Variants in TSPAN9 observed in about 807,000 individuals in gnomAD.
TSPAN9 encodes the protein tetraspanin-9.
In TSPAN9, 16 loss-of-function variants were observed where a neutral mutation model predicts 31.0. The ratio of observed to expected loss-of-function variants is 0.52; its 90% CI spans 0.35 to 0.78. The LOEUF is 0.78. Ranked by LOEUF, TSPAN9 falls within the 30% of genes least tolerant of loss-of-function variation. TSPAN9 has a pLI of 0.01. For synonymous variants in TSPAN9, 145 were observed against 121.6 expected (o/e 1.19, Z -1.27); for missense variants, 272 against 312.5 (o/e 0.87, Z 0.98).
At chr12:3,261,514 A>G (rs760445688) in intron 3 of TSPAN9, among the ~76,000 whole-genome samples, 3 of 152,180 alleles carry the variant, frequency 2.0e-5, no homozygotes, top group African/African-American at 7.2e-5. Flanking sequence ...GGCTGGAAGA[A>G]TAGATGGAGA....
chr12:3,165,133 G>A (rs777860491), intron 2 of TSPAN9, among the ~76,000 whole-genome samples: 23 of 152,172 alleles, frequency 1.5e-4, no homozygotes, highest in Non-Finnish European at 2.9e-4. Context: ...GACAGGTGGT[G>A]GAGCTAGAGG....
intron 2 of TSPAN9, among the ~76,000 whole-genome samples, chr12:3,138,236 G>A (rs2098332982): frequency 6.6e-6 from 1 of 152,180 alleles, no homozygotes. Context: ...TGTTAGGAAT[G>A]AGGCATCTCC....
intron 2 of TSPAN9, among the ~76,000 whole-genome samples, chr12:3,165,021 C>T (rs2098347558): frequency 6.6e-6 from 1 of 152,174 alleles, no homozygotes; most frequent in Non-Finnish European, 1.5e-5. Context: ...GAAAGAGGCT[C>T]TCGTCTGGTG....
chr12:3,095,526 A>G (rs1167928147), intron 2 of TSPAN9, among the ~76,000 whole-genome samples: 2 of 99,440 alleles, frequency 2.0e-5, no homozygotes, highest in Non-Finnish European at 4.1e-5. Flanking sequence ...TCCCTCCCGG[A>G]CGGGGCGGCT....
chr12:3,153,401 A>G (rs2153968779), intron 2 of TSPAN9, among the ~76,000 whole-genome samples: 1 of 152,272 alleles, frequency 6.6e-6, no homozygotes, highest in East Asian at 1.9e-4. Flanking sequence ...TTGCTTGCAA[A>G]CATAATTTTT....
chr12:3,127,996 G>A (rs1244682025), intron 2 of TSPAN9, among the ~76,000 whole-genome samples: 4 of 152,184 alleles, frequency 2.6e-5, no homozygotes, highest in Non-Finnish European at 5.9e-5. Flanking sequence ...CACACGTCAA[G>A]ACTGTGTGTT....
At chr12:3,266,329 G>A (rs1862535452) in intron 3 of TSPAN9, among the ~76,000 whole-genome samples, 1 of 152,128 alleles carries the variant, frequency 6.6e-6, no homozygotes, top group Admixed American at 6.5e-5. Context: ...AAATGGGGAG[G>A]ACAAAGATGC....
At chr12:3,096,725 T>A (rs545154951) in intron 2 of TSPAN9, among the ~76,000 whole-genome samples, 1 of 151,642 alleles carries the variant, frequency 6.6e-6, no homozygotes, top group African/African-American at 2.4e-5. Context: ...TGAGACGGAA[T>A]CTCGCTCTGT....
rs530201788 is a variant in TSPAN9, at chr12:3,218,457, C to T, written c.63+17201C>T. Among the ~76,000 whole-genome samples the T allele has an allele frequency of 2.6e-5, 4 of 152,244 alleles. No homozygotes were observed. In the South Asian group the frequency reaches 8.3e-4, roughly 32 times the overall value. The stretch of plus-strand genomic sequence containing the variant: ...ACCTTTGGGGCCTGCAGTGGCCAGA[C>T]TAGCTAGGGATCTGGTTGGGGCTAT... On this transcript the variant is annotated intron_variant, in intron 3 of 8. Transcript: ENST00000011898.
At chr12:3,273,429 C>T (rs554209008) in intron 3 of TSPAN9, among the ~76,000 whole-genome samples, 1 of 152,322 alleles carries the variant, frequency 6.6e-6, no homozygotes, top group South Asian at 2.1e-4. Context: ...CCAGGAGTGG[C>T]TGGTGACCTT....
chr12:3,272,621 T>A (rs1862702466), intron 3 of TSPAN9, among the ~76,000 whole-genome samples: 1 of 151,940 alleles, frequency 6.6e-6, no homozygotes, highest in Non-Finnish European at 1.5e-5. Flanking sequence ...CCTAGGTGTG[T>A]CCTCTGCTGT....
At chr12:3,129,464 C>T (rs897907449) in intron 2 of TSPAN9, among the ~76,000 whole-genome samples, 1 of 152,174 alleles carries the variant, frequency 6.6e-6, no homozygotes, top group East Asian at 1.9e-4. Flanking sequence ...GAGTCTGTTT[C>T]AGGAAGTGGT....
rs1591725866 is a variant in TSPAN9, at chr12:3,283,555, T to G, written c.*439T>G. On this transcript the variant is annotated 3_prime_UTR_variant, in exon 9 of 9. Transcript: ENST00000011898. ...CATGGGGCACCTGGCGGGGCGGGGG[T>G]CTGCCGGCCTCTGGGCAAGGCCCCT... The G allele has an allele frequency of 6.2e-6, 1 of 160,238 alleles. No homozygotes were observed. 9.9% of individuals were successfully genotyped at this position (160,238 alleles called of 1,614,324 possible). A position where few individuals can be genotyped will look rare whatever the true frequency, so the allele number is the denominator to read the frequency against.
intron 3 of TSPAN9, among the ~76,000 whole-genome samples, chr12:3,258,233 G>T (rs567571951): frequency 3.9e-5 from 6 of 152,210 alleles, no homozygotes; most frequent in Non-Finnish European, 7.3e-5. Context: ...GGGCTGGTTC[G>T]TCTGCAGGTG....
At chr12:3,109,568 A>G (rs1269282177) in intron 2 of TSPAN9, among the ~76,000 whole-genome samples, 1 of 151,298 alleles carries the variant, frequency 6.6e-6, no homozygotes, top group Non-Finnish European at 1.5e-5. Flanking sequence ...GAGGCCGAGG[A>G]GGGTGGATCA....
chr12:3,282,662 C>A (rs186435545), intron 8 of TSPAN9, among the ~76,000 whole-genome samples: 4 of 152,166 alleles, frequency 2.6e-5, no homozygotes, highest in Non-Finnish European at 5.9e-5. Flanking sequence ...CCACCGTGCC[C>A]GGCTGGCCTG....
chr12:3,282,143 C>T (rs1445467986), intron 8 of TSPAN9: 1 of 614,102 alleles, frequency 1.6e-6, no homozygotes, highest in African/African-American at 1.8e-5. Context: ...CACACGGTGT[C>T]CCCCGGTCAC....
intron 3 of TSPAN9, among the ~76,000 whole-genome samples, chr12:3,220,111 C>T (rs58756109): frequency 0.038 from 5,562 of 147,654 alleles, 345 homozygotes; most frequent in African/African-American, 0.13. Context: ...CGCCATTGCA[C>T]TCCAGCCTGG....
intron 2 of TSPAN9, among the ~76,000 whole-genome samples, chr12:3,184,419 GAGAA>G (rs891162114): frequency 6.0e-5 from 9 of 150,916 alleles, no homozygotes; most frequent in Admixed American, 2.6e-4. Flanking sequence ...AAGAAAGAAA[GAGAA>G]AGAGAGAGAG....
Sources: allele counts gnomAD v4.1 joint callset (sites outside exome capture counted in the v4.1 genomes callset), GRCh38; gene constraint gnomAD v4.1.1; transcripts MANE v1.5; gene names NCBI Gene and HGNC (gene_info 2026-07-23, HGNC 2026-07-21).